The following JAK1 variants were observed in gnomAD, a reference collection of about 807,000 sequenced individuals.
The protein encoded by JAK1 is tyrosine-protein kinase JAK1.
Under a neutral mutation model 136.6 loss-of-function variants are expected in JAK1, and 16 were observed. The ratio of observed to expected loss-of-function variants is 0.12; its 90% CI spans 0.08 to 0.18. The LOEUF is 0.18. Among genes scored for constraint, JAK1 ranks in the 10% least tolerant of loss-of-function variants. The pLI is 1.00. For synonymous variants in JAK1, 492 were observed against 519.5 expected, an observed-to-expected ratio of 0.95 and a Z score of 0.72; for missense variants, 859 against 1,450.1, an observed-to-expected ratio of 0.59 and a Z score of 6.62.
intron 2 of JAK1, chr1:64,991,711 T>C (rs2100725538): frequency 6.6e-6 from 1 of 152,320 alleles, no homozygotes; most frequent in South Asian, 2.1e-4. Context: ...AGAAACCTAC[T>C]TGAACTAATA....
rs370796556 is a variant in JAK1, at chr1:65,002,500, T to A, written c.-78+41980A>T. On this transcript the variant is annotated intron_variant, in intron 2 of 25. Transcript: ENST00000671954. ...TTCCTCACTTCTAAGTGACGCTAAT[T>A]ATAGTATGTACATCACAAGGATAGT... 1.2e-4 allele frequency: 18 copies of A among 152,290 alleles called. 1 individual carries two copies. Among genetic ancestry groups the A allele is most frequent in the Admixed American group, 3.3e-4 (5 of 15,302 alleles). The allele number at this position is 152,290 out of a possible 1,614,324, so 9.4% of individuals were successfully genotyped here.
At position 64,867,287 on chromosome 1, in the gene JAK1, T is replaced by C. The variant is rs999764222; in HGVS notation, c.648-79A>G. 1.9e-5 allele frequency: 20 copies of C among 1,042,072 alleles called. No homozygotes were observed. In the African/African-American group the frequency reaches 2.2e-4, roughly 12 times the overall value. 64.6% of individuals were successfully genotyped at this position (1,042,072 alleles called of 1,614,324 possible). On this transcript the variant is annotated intron_variant, in intron 6 of 24. Transcript: ENST00000342505. ...TAGTTTAGAAACAAATCTAAGTCCA[T>C]GAATCCACATGTTGCCAAATGGGAA...
At chr1:64,951,815 C>T (rs928536472) in intron 1 of JAK1, among the ~76,000 whole-genome samples, 4 of 152,142 alleles carry the variant, frequency 2.6e-5, no homozygotes, top group East Asian at 1.9e-4. Context: ...CCCGCCACCA[C>T]GCCCAGCTAA....
chr1:64,955,146 T>G (rs141382612), intron 1 of JAK1, among the ~76,000 whole-genome samples: 1 of 152,374 alleles, frequency 6.6e-6, no homozygotes, highest in East Asian at 1.9e-4. Flanking sequence ...ACAGGATCTG[T>G]GTTTATTCAA....
In JAK1 at chr1:64,879,077, G is replaced by T. The variant is rs768706312; in HGVS notation, c.277C>A (p.Arg93Ser). 2 of 1,614,002 alleles carry T rather than the reference G, an allele frequency of 1.2e-6. No homozygotes were observed. The highest frequency in any genetic ancestry group is 1.7e-6 in the Non-Finnish European group (2 of 1,179,948). ...ENTKLWYAPN[R>S]TITVDDKMSL... ...ATCTTGTCATCAACGGTGATGGTGC[G>T]ATTTGGAGCATACCAGAGCTTGGTG... Residue 93 changes from arginine to serine, a missense_variant, in exon 4 of 25, where the codon CGC becomes AGC. Coordinates refer to ENST00000342505, the MANE Select transcript of JAK1 (RefSeq NM_002227.4).
intron 2 of JAK1, among the ~76,000 whole-genome samples, chr1:64,978,625 G>A (rs1646517090): frequency 6.6e-6 from 1 of 152,128 alleles, no homozygotes; most frequent in South Asian, 2.1e-4. Flanking sequence ...TGAGCCCAAG[G>A]ATGCTTTACT....
At chr1:65,020,576 A>T (rs1350529984) in intron 2 of JAK1, among the ~76,000 whole-genome samples, 1 of 152,188 alleles carries the variant, frequency 6.6e-6, no homozygotes, top group East Asian at 1.9e-4. Context: ...TATATGCTTT[A>T]TGCACTTTTC....
chr1:65,032,007 C>T (rs1016804887), intron 2 of JAK1, among the ~76,000 whole-genome samples: 3 of 150,074 alleles, frequency 2.0e-5, no homozygotes, highest in African/African-American at 7.4e-5. Flanking sequence ...GCTTTGCTGC[C>T]CAGACTTGAG....
At chr1:64,835,587 A>C in intron 23 of JAK1, 81 bp from the exon 24 acceptor site, 2 of 835,146 alleles carry the variant, frequency 2.4e-6, no homozygotes, top group East Asian at 5.1e-5. Context: ...TGAAATTTCT[A>C]CAATCAACTG....
At chr1:64,867,972 A>G (rs1260509521) in intron 6 of JAK1, among the ~76,000 whole-genome samples, 1 of 152,102 alleles carries the variant, frequency 6.6e-6, no homozygotes, top group Non-Finnish European at 1.5e-5. Flanking sequence ...CCTGGGCAAC[A>G]ACAGCAAAAC....
chr1:64,880,144 G>A (rs1012910100), intron 3 of JAK1, among the ~76,000 whole-genome samples: 3 of 152,152 alleles, frequency 2.0e-5, no homozygotes, highest in Non-Finnish European at 4.4e-5. Flanking sequence ...CCCAGGCGGG[G>A]ACTCTCTCCA....
At chr1:65,054,349 G>A (rs571716645) in intron 1 of JAK1, among the ~76,000 whole-genome samples, 2 of 151,824 alleles carry the variant, frequency 1.3e-5, no homozygotes, top group Non-Finnish European at 2.9e-5. Context: ...TTCATATATT[G>A]TATGTTTATA....
chr1:64,933,974 A>G (rs536454402), intron 1 of JAK1, among the ~76,000 whole-genome samples: 2 of 152,348 alleles, frequency 1.3e-5, no homozygotes, highest in South Asian at 4.1e-4. Context: ...TACACACTAA[A>G]AGACATACAG....
At chr1:65,031,242 G>A (rs1252701256) in intron 2 of JAK1, among the ~76,000 whole-genome samples, 7 of 151,556 alleles carry the variant, frequency 4.6e-5, no homozygotes, top group Admixed American at 2.6e-4. Flanking sequence ...ATCAAAGTAC[G>A]TGATGTTCTA....
At chr1:64,892,323 C>A (rs969519703) in intron 1 of JAK1, among the ~76,000 whole-genome samples, 8 of 152,108 alleles carry the variant, frequency 5.3e-5, no homozygotes, top group East Asian at 1.9e-4. Context: ...CTCTGTCACC[C>A]ACGCTGGAAT....
At chr1:65,053,863 T>TA (rs1030860241) in intron 1 of JAK1, among the ~76,000 whole-genome samples, 6 of 152,162 alleles carry the variant, frequency 3.9e-5, no homozygotes, top group African/African-American at 1.4e-4. Context: ...GTGGCACACT[T>TA]AAAATTGGGT....
chr1:65,011,424 TG>T (rs1646848040), intron 2 of JAK1, among the ~76,000 whole-genome samples: 1 of 152,198 alleles, frequency 6.6e-6, no homozygotes, highest in South Asian at 2.1e-4. Context: ...TGTAGCAGCC[TG>T]GGTGGCAGAG....
chr1:65,061,686 A>G (rs762071898), intron 1 of JAK1, among the ~76,000 whole-genome samples: 9 of 152,216 alleles, frequency 5.9e-5, no homozygotes, highest in Non-Finnish European at 1.0e-4. Flanking sequence ...CCACACTGAG[A>G]TGTTATAAAC....
intron 1 of JAK1, among the ~76,000 whole-genome samples, chr1:64,955,396 A>G (rs1646168402): frequency 6.6e-6 from 1 of 152,210 alleles, no homozygotes; most frequent in Admixed American, 6.5e-5. Context: ...GGGCCTTGAA[A>G]GCTATGGAAT....
Sources: gnomAD v4.1 joint callset for allele counts (sites outside exome capture counted in the v4.1 genomes callset) on GRCh38, gnomAD v4.1.1 for gene constraint, MANE v1.5 for transcripts, NCBI Gene and HGNC (gene_info 2026-07-23, HGNC 2026-07-21) for gene names.